Variants in HMG20A observed in about 807,000 individuals in gnomAD.
HMG20A encodes high mobility group 20A.
HMG20A carries 17 observed loss-of-function variants against 43.9 expected under a neutral mutation model. The observed-to-expected ratio is 0.39, with a 90% confidence interval of 0.27 to 0.58. HMG20A has a LOEUF of 0.58. Among genes scored for constraint, HMG20A ranks in the 20% least tolerant of loss-of-function variants. The pLI is 0.59. For synonymous variants in HMG20A, 132 were observed against 147.5 expected (o/e 0.89, Z 0.76); for missense variants, 341 against 438.2 (o/e 0.78, Z 1.98).
chr15:77,493,498 A>G, the HMG20A span, among the ~76,000 whole-genome samples: 4 of 152,208 alleles, frequency 2.6e-5, no homozygotes, highest in Admixed American at 6.5e-5. Flanking sequence ...TCCTCAGTGC[A>G]GGGGGAAGTC....
At chr15:77,446,354 T>C (rs538271300) in intron 1 of HMG20A, among the ~76,000 whole-genome samples, 2 of 152,270 alleles carry the variant, frequency 1.3e-5, no homozygotes, top group South Asian at 4.1e-4. Flanking sequence ...TTAAATCTTA[T>C]TTACCTCTGT....
the HMG20A span, among the ~76,000 whole-genome samples, chr15:77,502,253 C>T: frequency 6.6e-6 from 1 of 152,210 alleles, no homozygotes; most frequent in Admixed American, 6.5e-5. Context: ...TTGGAACAGA[C>T]TTATAACCTA....
chr15:77,500,136 ACT>A, the HMG20A span, among the ~76,000 whole-genome samples: 2 of 151,784 alleles, frequency 1.3e-5, no homozygotes, highest in African/African-American at 4.8e-5. Flanking sequence ...CAGCCATATC[ACT>A]CTATTTTAAA....
intron 1 of HMG20A, among the ~76,000 whole-genome samples, chr15:77,430,314 A>G (rs2073471132): frequency 6.6e-6 from 1 of 152,252 alleles, no homozygotes; most frequent in Non-Finnish European, 1.5e-5. Context: ...AATAAGCAGT[A>G]GAGTTTTTAT....
At chr15:77,456,238 A>G (rs1380631733) in intron 1 of HMG20A, among the ~76,000 whole-genome samples, 3 of 152,212 alleles carry the variant, frequency 2.0e-5, no homozygotes, top group East Asian at 1.9e-4. Flanking sequence ...TAACAGGGTC[A>G]TGTTGGCATA....
At chr15:77,519,536 T>A in the HMG20A span, among the ~76,000 whole-genome samples, 1 of 152,270 alleles carries the variant, frequency 6.6e-6, no homozygotes, top group East Asian at 1.9e-4. Context: ...ATGAATGGGA[T>A]TATGTCCTTA....
intron 1 of HMG20A, among the ~76,000 whole-genome samples, chr15:77,437,618 C>A (rs2073563305): frequency 6.6e-6 from 1 of 152,184 alleles, no homozygotes; most frequent in South Asian, 2.1e-4. Flanking sequence ...GTTGCCCAGG[C>A]TGGAGTGCGG....
chr15:77,455,094 G>T (rs2072642183), intron 1 of HMG20A, among the ~76,000 whole-genome samples: 1 of 151,620 alleles, frequency 6.6e-6, no homozygotes, highest in South Asian at 2.1e-4. Flanking sequence ...CTTGAAAAGA[G>T]CCAACCCCAG....
chr15:77,515,784 A>G, the HMG20A span, among the ~76,000 whole-genome samples: 1 of 152,198 alleles, frequency 6.6e-6, no homozygotes, highest in Non-Finnish European at 1.5e-5. Flanking sequence ...GAAACCTGAG[A>G]CAGAGGTTTG....
chr15:77,470,803 T>C, intron 4 of HMG20A, 107 bp from the exon 5 acceptor site: 1 of 975,970 alleles, frequency 1.0e-6, no homozygotes, highest in Non-Finnish European at 1.4e-6. Flanking sequence ...TTCCCTATAT[T>C]CTTTTCTTCC....
At chr15:77,506,689 C>G in the HMG20A span, among the ~76,000 whole-genome samples, 1 of 152,234 alleles carries the variant, frequency 6.6e-6, no homozygotes, top group East Asian at 1.9e-4. Flanking sequence ...TGCGCCCAGC[C>G]CACGTTCCGG....
rs1291434051 is a variant in HMG20A, at chr15:77,478,295, C to T, written c.692C>T (p.Ala231Val). The stretch of plus-strand genomic sequence containing the variant: ...TGTTCTGTGGGATGTATGTCCTCAG[C>T]TCGGGAAGCAGAGCTCCGCCAGCTT... Reference protein sequence around the residue: ...FTEEFLNHSKAREAELRQLRK... With the variant: ...FTEEFLNHSKVREAELRQLRK... The change falls in exon 8 of 10, where the codon GCT becomes GTT. Residue 231 changes from alanine to valine, a missense_variant and splice_region_variant. By Grantham distance (64) the Ala-to-Val change is moderately conservative. Coordinates refer to ENST00000336216, the MANE Select transcript of HMG20A (RefSeq NM_001304504.2). The T allele has an allele frequency of 6.2e-7, 1 of 1,613,136 alleles. No homozygotes were observed.
chr15:77,426,864 G>A (rs1039124846), intron 1 of HMG20A, among the ~76,000 whole-genome samples: 3 of 152,114 alleles, frequency 2.0e-5, no homozygotes, highest in African/African-American at 7.2e-5. Context: ...CAGGGCTAAA[G>A]GTATGTTAAG....
At chr15:77,503,383 G>A in the HMG20A span, among the ~76,000 whole-genome samples, 2 of 152,150 alleles carry the variant, frequency 1.3e-5, no homozygotes, top group African/African-American at 4.8e-5. Flanking sequence ...CTCAATCAAA[G>A]GAGTCCCTCA....
intron 9 of HMG20A, 34 bp downstream of exon 9, chr15:77,479,355 C>A: frequency 1.9e-6 from 3 of 1,595,530 alleles, no homozygotes; most frequent in South Asian, 2.2e-5. Context: ...TATATGCCAG[C>A]ACATCATCAA....
the HMG20A span, among the ~76,000 whole-genome samples, chr15:77,518,791 G>A: frequency 6.6e-6 from 1 of 152,166 alleles, no homozygotes; most frequent in Non-Finnish European, 1.5e-5. Context: ...GGAAAGCTGG[G>A]AGCACACTCC....
chr15:77,458,850 T>A (rs2072680258), intron 2 of HMG20A, among the ~76,000 whole-genome samples: 1 of 152,198 alleles, frequency 6.6e-6, no homozygotes, highest in African/African-American at 2.4e-5. Flanking sequence ...TTAAAATAGT[T>A]TTTTCCCAAA....
the HMG20A span, among the ~76,000 whole-genome samples, chr15:77,501,429 T>C: frequency 1.3e-5 from 2 of 152,162 alleles, no homozygotes; most frequent in Non-Finnish European, 2.9e-5. Flanking sequence ...TTTAAGTGAC[T>C]CCTCTCCCTC....
At chr15:77,515,448 C>T in the HMG20A span, among the ~76,000 whole-genome samples, 1 of 151,694 alleles carries the variant, frequency 6.6e-6, no homozygotes, top group African/African-American at 2.4e-5. Context: ...GGCTGTGAGA[C>T]TGGCTAAGTT....
Sources: allele counts gnomAD v4.1 joint callset (sites outside exome capture counted in the v4.1 genomes callset), GRCh38; gene constraint gnomAD v4.1.1; transcripts MANE v1.5; gene names NCBI Gene and HGNC (gene_info 2026-07-23, HGNC 2026-07-21).